The following NLRC5 variants were observed in gnomAD, a reference collection of about 807,000 sequenced individuals.
NLRC5 encodes the protein NLR family CARD domain containing 5, also known as protein NLRC5.
Under a neutral mutation model 206.9 loss-of-function variants are expected in NLRC5, and 114 were observed. That is an observed-to-expected ratio of 0.55 (90% CI 0.47 to 0.64). The LOEUF (loss-of-function observed/expected upper bound fraction) is 0.64, where lower values mean the gene tolerates loss of function less well. Among genes scored for constraint, NLRC5 ranks in the 30% least tolerant of loss-of-function variants. The pLI is 0.00. For missense variants in NLRC5, 2,008 were observed against 2,305.5 expected, an observed-to-expected ratio of 0.87 and a Z score of 2.64; for synonymous variants, 952 against 962.8, an observed-to-expected ratio of 0.99 and a Z score of 0.21.
chr16:57,070,276 C>A (rs1434756399), intron 37 of NLRC5, among the ~76,000 whole-genome samples: 1 of 151,588 alleles, frequency 6.6e-6, no homozygotes, highest in Non-Finnish European at 1.5e-5. Flanking sequence ...TGTCCCTAGT[C>A]CCCCAGCTTC....
chr16:57,070,685 G>A, intron 38 of NLRC5, 67 bp downstream of exon 38: 1 of 1,367,596 alleles, frequency 7.3e-7, no homozygotes, highest in Non-Finnish European at 1.0e-6. Context: ...GGAAGTGGGT[G>A]AGTGGTGGGG....
chr16:57,030,478 GGGTGGATGAAAA>G (rs2061732551), intron 10 of NLRC5, among the ~76,000 whole-genome samples: 2 of 133,476 alleles, frequency 1.5e-5, no homozygotes, highest in Non-Finnish European at 3.3e-5. Flanking sequence ...AAAGATGGAT[GGGTGGATGAAAA>G]GATGGATGGA....
rs1385649071 is a variant in NLRC5, at chr16:57,083,205, T to A, written c.*677T>A. The A allele has an allele frequency of 2.6e-5, 4 of 152,316 alleles. No individual in the cohort carries two copies. The highest frequency in any genetic ancestry group is 5.9e-5 in the Non-Finnish European group (4 of 68,094). The allele number at this position is 152,316 out of a possible 1,614,324, so 9.4% of individuals were successfully genotyped here. ...CCTGCCTCAATCCTCAGCCTACCCA[T>A]CTATAAACTTGATGACTCCTCCCTT... is the stretch of plus-strand genomic sequence containing the variant. On this transcript the variant is annotated 3_prime_UTR_variant, in exon 49 of 49. Transcript: ENST00000688547.
intron 26 of NLRC5, 63 bp from the exon 27 acceptor site, chr16:57,055,370 G>A: frequency 6.7e-7 from 1 of 1,500,296 alleles, no homozygotes; most frequent in Non-Finnish European, 9.2e-7. Flanking sequence ...GGCTAGCCAG[G>A]CCGGAGGGGG....
intron 23 of NLRC5, among the ~76,000 whole-genome samples, chr16:57,050,439 G>A: frequency 6.6e-6 from 1 of 152,264 alleles, no homozygotes; most frequent in Non-Finnish European, 1.5e-5. Context: ...AGCAGAGATG[G>A]GCCAGGCCCT....
intron 24 of NLRC5, chr16:57,052,828 C>T (rs1190608479): frequency 2.0e-5 from 3 of 152,206 alleles, no homozygotes; most frequent in African/African-American, 7.2e-5. Flanking sequence ...CTCCTTTGGA[C>T]ATAAAAGGTG....
chr16:57,076,906 A>C lies in NLRC5; in HGVS notation c.4835+4A>C. The C allele has an allele frequency of 1.2e-6, 2 of 1,613,616 alleles. No homozygotes were observed. Among genetic ancestry groups the C allele is most frequent in the Non-Finnish European group, 1.7e-6 (2 of 1,179,844 alleles). ...CCACCAGCCTAGAGGAGCTGGAGTGAGTTGCCCATTCTGCCCCCAGACCCA... is the reference window on the plus strand; with the variant it reads ...CCACCAGCCTAGAGGAGCTGGAGTGCGTTGCCCATTCTGCCCCCAGACCCA... On this transcript the variant is annotated splice_donor_region_variant and intron_variant, in intron 40 of 48. Transcript: ENST00000688547.
intron 6 of NLRC5, 25 bp downstream of exon 6, chr16:57,027,043 G>A (rs903746816): frequency 1.2e-6 from 2 of 1,601,024 alleles, no homozygotes; most frequent in East Asian, 4.5e-5. Flanking sequence ...AGGAGGACCG[G>A]GGAGGGGATT....
intron 29 of NLRC5, 26 bp downstream of exon 29, chr16:57,059,087 G>A: frequency 6.2e-7 from 1 of 1,613,434 alleles, no homozygotes; most frequent in Non-Finnish European, 8.5e-7. Flanking sequence ...TCCCCGAAAA[G>A]CCCCTTTCTG....
chr16:57,071,324 G>A (rs1398125014), intron 38 of NLRC5, among the ~76,000 whole-genome samples: 5 of 147,420 alleles, frequency 3.4e-5, no homozygotes, highest in Non-Finnish European at 4.5e-5. Context: ...GTTGGTTAAT[G>A]GGGAAGGGTT....
At chr16:57,075,500 G>A (rs1016716114) in intron 39 of NLRC5, among the ~76,000 whole-genome samples, 1 of 152,052 alleles carries the variant, frequency 6.6e-6, no homozygotes, top group Non-Finnish European at 1.5e-5. Flanking sequence ...GATTACAGGC[G>A]TGAGCCACCA....
chr16:57,077,197 G>C (rs1567647871), intron 40 of NLRC5, 99 bp from the exon 41 acceptor site: 2 of 1,076,610 alleles, frequency 1.9e-6, no homozygotes, highest in South Asian at 2.7e-5. Flanking sequence ...TGTGAGTCGA[G>C]GCCCTTCCTG....
intron 4 of NLRC5, among the ~76,000 whole-genome samples, chr16:57,022,814 TC>T (rs2060822639): frequency 6.6e-6 from 1 of 152,260 alleles, no homozygotes; most frequent in Non-Finnish European, 1.5e-5. Context: ...CACTTTCATC[TC>T]AGCACCTTGA....
intron 17 of NLRC5, 99 bp downstream of exon 17, chr16:57,040,817 C>G: frequency 8.7e-7 from 1 of 1,149,858 alleles, no homozygotes; most frequent in South Asian, 1.3e-5. Context: ...CACATGCTCC[C>G]TGAAGGACAC....
In NLRC5 at chr16:57,067,746, G is replaced by T; in HGVS notation, c.4417G>T (p.Val1473Phe). Residue 1473 changes from valine (V) to phenylalanine (F), a missense_variant, in exon 36 of 49, where the codon GTT becomes TTT. Transcript: ENST00000688547. ...ARLQQLSLSQVNLCEDDDASS... is the reference protein window; with the variant it reads ...ARLQQLSLSQFNLCEDDDASS... ...CTTGGACCTTTTCAGCTTGTCTCAG[G>T]TTAACCTCTGTGAGGACGATGATGC... 6.2e-7 allele frequency: 1 copy of T among 1,614,160 alleles called. No homozygotes were observed. Among genetic ancestry groups the T allele is most frequent in the Non-Finnish European group, 8.5e-7 (1 of 1,179,986 alleles).
chr16:57,071,109 G>GT (rs2067674530), intron 38 of NLRC5, among the ~76,000 whole-genome samples: 2 of 128,566 alleles, frequency 1.6e-5, no homozygotes, highest in African/African-American at 3.3e-5. Flanking sequence ...TAATGGGGAA[G>GT]GGGGTGAGTG....
rs113392322 is a variant in NLRC5, at chr16:57,025,296, A to G, written c.425-72A>G. 23 of 1,498,422 alleles carry G rather than the reference A, an allele frequency of 1.5e-5. No homozygotes were observed. In the African/African-American group the frequency reaches 1.7e-4, roughly 11 times the overall value. The allele number at this position is 1,498,422 out of a possible 1,614,324, so 92.8% of individuals were successfully genotyped here. Reference sequence around the variant, plus strand: ...GGGGCTACAGGCTCCCAACAGCCCAATACTGGGGCAAGAAGACATGAGCAG... The same window carrying G: ...GGGGCTACAGGCTCCCAACAGCCCAGTACTGGGGCAAGAAGACATGAGCAG... On this transcript the variant is annotated intron_variant, in intron 5 of 48. Transcript: ENST00000688547.
At chr16:57,070,125 C>T (rs1273698371) in intron 37 of NLRC5, among the ~76,000 whole-genome samples, 1 of 152,180 alleles carries the variant, frequency 6.6e-6, no homozygotes, top group Non-Finnish European at 1.5e-5. Context: ...CACAGAGGGG[C>T]TGTGGGCATG....
In NLRC5 at chr16:57,043,573, A is replaced by C. The variant is rs1337152255; in HGVS notation, c.3172A>C (p.Thr1058Pro). The change falls in exon 20 of 49, where the codon ACT (threonine) becomes CCT (proline). Residue 1058 changes from threonine (T) to proline (P), a missense_variant. Coordinates refer to ENST00000688547, the MANE Select transcript of NLRC5 (RefSeq NM_001384950.1). The part of the protein sequence containing the change: ...AVLGLVRCFS[T>P]LQWLFRLDIS... Reference sequence around the variant, plus strand: ...GTTGGGTTTGGTTCGGTGCTTCTCCACTCTGCAGTGGCTCTTCCGCTTGGA... The same window carrying C: ...GTTGGGTTTGGTTCGGTGCTTCTCCCCTCTGCAGTGGCTCTTCCGCTTGGA... 1 of 1,613,688 alleles carries C rather than the reference A, an allele frequency of 6.2e-7. No individual in the cohort carries two copies. The highest frequency in any genetic ancestry group is 1.3e-5 in the African/African-American group (1 of 74,772).
Sources: allele counts gnomAD v4.1 joint callset (sites outside exome capture counted in the v4.1 genomes callset), GRCh38; gene constraint gnomAD v4.1.1; transcripts MANE v1.5; gene names NCBI Gene and HGNC (gene_info 2026-07-23, HGNC 2026-07-21).